The following DPP6 variants were observed in gnomAD, a reference collection of about 807,000 sequenced individuals.
DPP6 encodes A-type potassium channel modulatory protein DPP6.
In DPP6, 69 loss-of-function variants were observed where a neutral mutation model predicts 122.6. The ratio of observed to expected loss-of-function variants is 0.56; its 90% CI spans 0.46 to 0.69. The LOEUF (loss-of-function observed/expected upper bound fraction) is 0.69. DPP6 is among the 30% of genes least tolerant of loss of function. The pLI is 0.00. For missense variants in DPP6, 928 were observed against 1,116.9 expected (o/e 0.83, Z 2.41); for synonymous variants, 418 against 433.1 (o/e 0.97, Z 0.43).
At chr7:154,229,685 A>G (rs912920980) in intron 1 of DPP6, among the ~76,000 whole-genome samples, 3 of 152,262 alleles carry the variant, frequency 2.0e-5, no homozygotes, top group East Asian at 1.9e-4. Flanking sequence ...TAAAGCATCA[A>G]TTATTACACC....
chr7:154,029,596 C>T (rs1215001747), intron 1 of DPP6, among the ~76,000 whole-genome samples: 1 of 150,178 alleles, frequency 6.7e-6, no homozygotes. Flanking sequence ...CCTGTAATCC[C>T]AGCACTTTGG....
At chr7:153,802,981 C>T in the DPP6 span, among the ~76,000 whole-genome samples, 3 of 151,632 alleles carry the variant, frequency 2.0e-5, no homozygotes, top group South Asian at 4.2e-4. Context: ...GGCAGGCAGG[C>T]AGGGTGGTCC....
rs983030310 is a variant in DPP6 at position 154,603,469 on chromosome 7, C to G, written c.628-34352C>G. Among the ~76,000 whole-genome samples the G allele has an allele frequency of 5.2e-5, 6 of 115,744 alleles. 1 individual carries two copies. Among genetic ancestry groups the G allele is most frequent in the African/African-American group, 1.4e-4 (5 of 36,628 alleles). 75.9% of individuals were successfully genotyped at this position (115,744 alleles called of 152,430 possible). ...ATCACCTGAGGTCAGGAGTTCGAGA[C>G]CAGCCTGGCCAATGTGGTGAAACCC... is the stretch of plus-strand genomic sequence containing the variant. On this transcript the variant is annotated intron_variant, in intron 5 of 25. Coordinates refer to ENST00000377770, the MANE Select transcript of DPP6 (RefSeq NM_130797.4).
chr7:154,790,364 G>T (rs1323345670), intron 10 of DPP6, among the ~76,000 whole-genome samples: 1 of 152,146 alleles, frequency 6.6e-6, no homozygotes, highest in East Asian at 1.9e-4. Context: ...TATGATAAAT[G>T]GCAACAGGAT....
chr7:154,242,412 A>G (rs1374005536), intron 1 of DPP6, among the ~76,000 whole-genome samples: 1 of 140,152 alleles, frequency 7.1e-6, no homozygotes, highest in Middle Eastern at 3.2e-3. Context: ...GTGTGTGAGT[A>G]TATATATATT....
At chr7:153,864,499 A>G in the DPP6 span, among the ~76,000 whole-genome samples, 170 of 152,098 alleles carry the variant, frequency 1.1e-3, no homozygotes, top group African/African-American at 3.9e-3. Context: ...TACTAAAAAT[A>G]CCAAAAATTA....
At chr7:154,292,951 G>T (rs552709095) in intron 1 of DPP6, among the ~76,000 whole-genome samples, 28 of 152,206 alleles carry the variant, frequency 1.8e-4, no homozygotes, top group African/African-American at 3.6e-4. Context: ...TTTCATAATA[G>T]AAATCTTGGG....
chr7:154,547,201 G>A (rs1829266897), intron 4 of DPP6, among the ~76,000 whole-genome samples: 1 of 152,212 alleles, frequency 6.6e-6, no homozygotes, highest in Non-Finnish European at 1.5e-5. Context: ...ACTTCAGTGG[G>A]CCAGCAATGG....
At chr7:154,188,299 GA>G (rs1408202395) in intron 1 of DPP6, among the ~76,000 whole-genome samples, 2 of 151,916 alleles carry the variant, frequency 1.3e-5, no homozygotes, top group African/African-American at 4.8e-5. Context: ...TGAAACAAGT[GA>G]AAAAAATACT....
chr7:153,882,059 C>T, the DPP6 span, among the ~76,000 whole-genome samples: 1 of 152,188 alleles, frequency 6.6e-6, no homozygotes, highest in African/African-American at 2.4e-5. Flanking sequence ...TATCATTAGT[C>T]TCTCAACATA....
chr7:154,068,021 C>A (rs894825612), intron 1 of DPP6, among the ~76,000 whole-genome samples: 2 of 151,106 alleles, frequency 1.3e-5, no homozygotes, highest in African/African-American at 2.5e-5. Context: ...CTCGGTCTCC[C>A]AAAGTACTGG....
intron 18 of DPP6, among the ~76,000 whole-genome samples, chr7:154,869,864 C>T (rs1392180299): frequency 6.7e-6 from 1 of 149,016 alleles, no homozygotes; most frequent in African/African-American, 2.5e-5. Context: ...CCCCTGCCCC[C>T]AACACACTCA....
Position 154,863,576 on chromosome 7 carries a change from G to A in DPP6, c.1715-4419G>A, listed in dbSNP as rs1021950002. Among the ~76,000 whole-genome samples, 10 of 152,048 alleles carry A rather than the reference G, an allele frequency of 6.6e-5. No homozygotes were observed. The highest frequency in any genetic ancestry group is 1.0e-4 in the Non-Finnish European group (7 of 68,002). Reference sequence around the variant, plus strand: ...GTTGGGATTACAGGTGTGAGCCACTGCACCCAGCAAGGAAGATCTCTTGAG... The same window carrying A: ...GTTGGGATTACAGGTGTGAGCCACTACACCCAGCAAGGAAGATCTCTTGAG... On this transcript the variant is annotated intron_variant, in intron 17 of 25. Coordinates refer to ENST00000377770, the MANE Select transcript of DPP6 (RefSeq NM_130797.4). The surrounding 1 kb of genome is among the most constrained non-coding windows in gnomAD (Gnocchi z 4.1).
In DPP6 at chr7:154,471,757, G is replaced by T. The variant is rs140925316; in HGVS notation, c.359-3182G>T. On this transcript the variant is annotated intron_variant, in intron 2 of 25. Transcript: ENST00000377770. ...ACACACATGAAAACCAAAATCCAAA[G>T]AAATTTAAATCAATAGGGAAAAGAG... Among the ~76,000 whole-genome samples the T allele has an allele frequency of 1.5e-3, 230 of 152,008 alleles. 2 individuals are homozygous for T. Among genetic ancestry groups the T allele is most frequent in the African/African-American group, 5.3e-3 (218 of 41,458 alleles).
intron 1 of DPP6, among the ~76,000 whole-genome samples, chr7:154,016,249 A>G (rs1798408828): frequency 6.6e-6 from 1 of 152,194 alleles, no homozygotes; most frequent in Admixed American, 6.5e-5. Flanking sequence ...GACATTGAAC[A>G]AGGAAATACT....
intron 10 of DPP6, among the ~76,000 whole-genome samples, chr7:154,773,269 T>A (rs917572122): frequency 6.6e-6 from 1 of 152,196 alleles, no homozygotes; most frequent in Non-Finnish European, 1.5e-5. Flanking sequence ...AGACAATCCA[T>A]GGAGTCTGAC....
At chr7:153,826,776 A>G in the DPP6 span, among the ~76,000 whole-genome samples, 3 of 152,332 alleles carry the variant, frequency 2.0e-5, no homozygotes, top group South Asian at 6.2e-4. Context: ...GAATCCCAAT[A>G]CATTAATGAT....
At chr7:154,779,277 C>T (rs1162898235) in intron 10 of DPP6, among the ~76,000 whole-genome samples, 6 of 101,612 alleles carry the variant, frequency 5.9e-5, no homozygotes, top group African/African-American at 9.9e-5. Flanking sequence ...ATCACCACCT[C>T]CACCACCACC....
the DPP6 span, among the ~76,000 whole-genome samples, chr7:153,870,771 C>G: frequency 6.6e-6 from 1 of 152,132 alleles, no homozygotes; most frequent in Non-Finnish European, 1.5e-5. Context: ...TTTTGCCCAT[C>G]TTTGTGGTTT....
Sources: allele counts gnomAD v4.1 joint callset (sites outside exome capture counted in the v4.1 genomes callset), GRCh38; gene constraint gnomAD v4.1.1; non-coding constraint Gnocchi (gnomAD v3.1); transcripts MANE v1.5; gene names NCBI Gene and HGNC (gene_info 2026-07-23, HGNC 2026-07-21).